GAL3ST4: variants seen among roughly 807,000 people sequenced by gnomAD.
GAL3ST4 encodes the protein beta-galactose-3-O-sulfotransferase 4.
In GAL3ST4, 30 loss-of-function variants were observed where a neutral mutation model predicts 31.6. The observed-to-expected ratio is 0.95, with a 90% CI of 0.71 to 1.29. GAL3ST4 has a LOEUF of 1.29. GAL3ST4 is among the 50% of genes most tolerant of loss of function. The probability of loss-of-function intolerance (pLI) is 0.00; values close to 1 mark genes in which losing one functional copy is unlikely to be tolerated. For synonymous variants in GAL3ST4, 248 were observed against 256.9 expected (o/e 0.97, Z 0.33); for missense variants, 629 against 625.2 (o/e 1.01, Z -0.06).
intron 2 of GAL3ST4, 69 bp downstream of exon 2, chr7:100,166,902 G>A: frequency 6.4e-7 from 1 of 1,563,038 alleles, no homozygotes; most frequent in Non-Finnish European, 8.7e-7. Flanking sequence ...GGAGTCACCA[G>A]CCCCAGGTGG....
In GAL3ST4 at chr7:100,160,028, A is replaced by G. The variant is rs1464112480; in HGVS notation, c.1361T>C (p.Leu454Pro). 3.1e-6 allele frequency: 5 copies of G among 1,613,918 alleles called. No homozygotes were observed. The highest frequency in any genetic ancestry group is 4.2e-6 in the Non-Finnish European group (5 of 1,180,008). ...CTTGTACTGGAGCTCAGGGGTAGCT[A>G]GGCGCTCACATTCCTCTTGGTCTTG... Reference protein sequence around the residue: ...SPQDQEECERLATPELQYKDK... With the variant: ...SPQDQEECERPATPELQYKDK... The change falls in exon 4 of 4, where the codon CTA (leucine) becomes CCA (proline). Residue 454 changes from leucine (L) to proline (P), a missense_variant. Transcript: ENST00000360039.
intron 3 of GAL3ST4, among the ~76,000 whole-genome samples, chr7:100,165,825 A>ACACACACACG (rs1799063592): frequency 6.7e-6 from 1 of 149,716 alleles, no homozygotes; most frequent in East Asian, 2.0e-4. Flanking sequence ...TGTCTCACAC[A>ACACACACACG]CACACACACA....
At position 100,167,006 on chromosome 7, in the gene GAL3ST4, A is replaced by G; in HGVS notation, c.90T>C (p.Phe30=). The change falls in exon 2 of 4, where the codon TTT becomes TTC. Residue 30 remains phenylalanine (F), a synonymous_variant. Transcript: ENST00000360039. The stretch of plus-strand genomic sequence containing the variant: ...AGGGCCCTCCCAAGAGCTGGAGTGC[A>G]AAGCCAATGGTCATGAAGACTCCCA... The part of the protein sequence containing the change: ...VALGVFMTIG[F]ALQLLGGPFQ... 6.3e-7 allele frequency: 1 copy of G among 1,582,938 alleles called. No homozygotes were observed. Among genetic ancestry groups the G allele is most frequent in the Non-Finnish European group, 8.6e-7 (1 of 1,164,958 alleles).
In GAL3ST4 at chr7:100,159,816, A is replaced by G; in HGVS notation, c.*112T>C. 1.1e-6 allele frequency: 1 copy of G among 910,266 alleles called. No individual in the cohort carries two copies. Among genetic ancestry groups the G allele is most frequent in the Non-Finnish European group, 1.7e-6 (1 of 593,998 alleles). The allele number at this position is 910,266 out of a possible 1,614,324, so 56.4% of individuals were successfully genotyped here. ...CAGCGAAGAGGGGGCTTGCATCGGGACAAAGACTCATCCCTTCTGGGAGAT... is the reference window on the plus strand; with the variant it reads ...CAGCGAAGAGGGGGCTTGCATCGGGGCAAAGACTCATCCCTTCTGGGAGAT... On this transcript the variant is annotated 3_prime_UTR_variant, in exon 4 of 4. Transcript: ENST00000360039.
Position 100,160,181 on chromosome 7 carries a change from A to C in GAL3ST4, c.1208T>G (p.Leu403Arg). The part of the protein sequence containing the change: ...VAELRARREA[L>R]AKHCLVGGEA... Reference sequence around the variant, plus strand: ...ACCCCCTACCAGACAATGTTTCGCTAGGGCCTCTCGGCGAGCCCGGAGCTC... The same window carrying C: ...ACCCCCTACCAGACAATGTTTCGCTCGGGCCTCTCGGCGAGCCCGGAGCTC... The change falls in exon 4 of 4, where the codon CTA (leucine) becomes CGA (arginine). Residue 403 changes from leucine to arginine, a missense_variant. Leu to Arg is a moderately radical substitution (Grantham distance 102). Coordinates refer to ENST00000360039, the MANE Select transcript of GAL3ST4 (RefSeq NM_024637.5). The C allele has an allele frequency of 6.2e-7, 1 of 1,614,136 alleles. No individual in the cohort carries two copies. The highest frequency in any genetic ancestry group is 8.5e-7 in the Non-Finnish European group (1 of 1,180,000).
At chr7:100,162,772 C>T (rs1184950416) in intron 3 of GAL3ST4, among the ~76,000 whole-genome samples, 1 of 147,002 alleles carries the variant, frequency 6.8e-6, no homozygotes, top group Non-Finnish European at 1.5e-5. Flanking sequence ...CACCGTGGCA[C>T]ATGTATACCT....
chr7:100,159,867 C>G lies in GAL3ST4; in HGVS notation c.*61G>C, dbSNP rs1264026421. On this transcript the variant is annotated 3_prime_UTR_variant, in exon 4 of 4. Transcript: ENST00000360039. The stretch of plus-strand genomic sequence containing the variant: ...GCAGAAATGGCATCTTGCTGCCCCC[C>G]ACTCATCACATGTGCCCTTCAAACA... 2.9e-6 allele frequency: 4 copies of G among 1,362,878 alleles called. No homozygotes were observed. Among genetic ancestry groups the G allele is most frequent in the African/African-American group, 1.4e-5 (1 of 69,124 alleles). 84.4% of individuals were successfully genotyped at this position (1,362,878 alleles called of 1,614,324 possible).
chr7:100,167,067 A>G lies in GAL3ST4; in HGVS notation c.29T>C (p.Leu10Pro), dbSNP rs750627758. 6.4e-7 allele frequency: 1 copy of G among 1,556,962 alleles called. No homozygotes were observed. Among genetic ancestry groups the G allele is most frequent in the Admixed American group, 2.0e-5 (1 of 51,130 alleles). The change falls in exon 2 of 4, where the codon CTG (leucine) becomes CCG (proline). Residue 10 changes from leucine (L) to proline (P), a missense_variant. Coordinates refer to ENST00000360039, the MANE Select transcript of GAL3ST4 (RefSeq NM_024637.5). MGPLSPART[L>P]RLWGPRSLGV... ...CAGGCTCCGAGGTCCCCAGAGCCGC[A>G]GCGTCCTGGCAGGAGAGAGAGGGCC...
At position 100,160,314 on chromosome 7, in the gene GAL3ST4, C is replaced by T; in HGVS notation, c.1075G>A (p.Ala359Thr). 1 of 1,613,750 alleles carries T rather than the reference C, an allele frequency of 6.2e-7. No individual in the cohort carries two copies. Among genetic ancestry groups the T allele is most frequent in the Non-Finnish European group, 8.5e-7 (1 of 1,179,860 alleles). ...TAEDRQLTAR[A>T]RAWNNLDWAL... is the part of the protein sequence containing the mutation. Reference sequence around the variant, plus strand: ...CAGTCCAGGTTGTTCCAGGCTCGGGCCCGTGCAGTCAGCTGCCGGTCCTCC... The same window carrying T: ...CAGTCCAGGTTGTTCCAGGCTCGGGTCCGTGCAGTCAGCTGCCGGTCCTCC... The change falls in exon 4 of 4, where the codon GCC becomes ACC. Residue 359 changes from alanine to threonine, a missense_variant. By Grantham distance (58) the Ala-to-Thr change is moderately conservative. Coordinates refer to ENST00000360039, the MANE Select transcript of GAL3ST4 (RefSeq NM_024637.5).
In GAL3ST4 at chr7:100,160,092, T is replaced by C; in HGVS notation, c.1297A>G (p.Lys433Glu). 8 of 1,614,094 alleles carry C rather than the reference T, an allele frequency of 5.0e-6. No homozygotes were observed. The highest frequency in any genetic ancestry group is 6.8e-6 in the Non-Finnish European group (8 of 1,180,008). ...CTCCGAAGTATATAGCCCAAAACCT[T>C]AGCTGACCCAAACTGGAAGGGGCGG... Reference protein sequence around the residue: ...RFRPFQFGSAKVLGYILRSGL... With the variant: ...RFRPFQFGSAEVLGYILRSGL... Residue 433 changes from lysine (K) to glutamate (E), a missense_variant, in exon 4 of 4, where the codon AAG becomes GAG. Physicochemically the swap from Lys to Glu is moderately conservative, Grantham distance 56. Coordinates refer to ENST00000360039, the MANE Select transcript of GAL3ST4 (RefSeq NM_024637.5).
At chr7:100,167,344 T>C in intron 1 of GAL3ST4, 61 bp from the exon 2 acceptor site, 1 of 864,214 alleles carries the variant, frequency 1.2e-6, no homozygotes, top group African/African-American at 1.7e-5. Context: ...GGCAGCCTTC[T>C]CTCCTGCTGC....
Position 100,167,166 on chromosome 7 carries a change from G to A in GAL3ST4, c.-71C>T. ...AGGAAGAGGGGCAGAGACAGCTGGA[G>A]ACAGCCGTGCAGCTGCGGAAGGCAC... On this transcript the variant is annotated 5_prime_UTR_variant, in exon 2 of 4. Transcript: ENST00000360039. The A allele has an allele frequency of 6.4e-7, 1 of 1,551,076 alleles. No homozygotes were observed. Among genetic ancestry groups the A allele is most frequent in the South Asian group, 1.2e-5 (1 of 83,998 alleles).
chr7:100,163,441 G>A, intron 3 of GAL3ST4, among the ~76,000 whole-genome samples: 1 of 150,108 alleles, frequency 6.7e-6, no homozygotes, highest in South Asian at 2.1e-4. Flanking sequence ...GGCTCTGCAA[G>A]TATGGCACAC....
intron 3 of GAL3ST4, among the ~76,000 whole-genome samples, chr7:100,164,351 A>T (rs575745173): frequency 6.6e-6 from 1 of 151,860 alleles, no homozygotes; most frequent in South Asian, 2.1e-4. Context: ...CACAAGCCAC[A>T]TCCACCTTTT....
chr7:100,160,864 G>A lies in GAL3ST4; in HGVS notation c.525C>T (p.Thr175=). Residue 175 remains threonine (T), a synonymous_variant, in exon 4 of 4, where the codon ACC becomes ACT. Coordinates refer to ENST00000360039, the MANE Select transcript of GAL3ST4 (RefSeq NM_024637.5). The part of the protein sequence containing the change: ...ARSAFSYYKS[T]SSAFRKSPSL... The stretch of plus-strand genomic sequence containing the variant: ...ATGGTGACTTGCGGAAGGCTGATGA[G>A]GTGGATTTATAGTAGGAGAAGGCAG... The A allele has an allele frequency of 6.2e-7, 1 of 1,614,176 alleles. No individual in the cohort carries two copies. Among genetic ancestry groups the A allele is most frequent in the South Asian group, 1.1e-5 (1 of 91,080 alleles).
Position 100,160,046 on chromosome 7 carries a change from TG to T in GAL3ST4, c.1342del (p.Gln448LysfsTer7). On this transcript the variant is annotated frameshift_variant, in exon 4 of 4. Transcript: ENST00000360039. LOFTEE classifies it high-confidence loss of function. ...GGTAGCTAGGCGCTCACATTCCTCT[TG>T]GTCTTGGGGGCTCAATCCACTCCGA... is the stretch of plus-strand genomic sequence containing the variant. ...ILRSGLSPQDQEECERLATPE... is the reference protein window; with the variant it reads ...ILRSGLSPQDXEECERLATPE... The T allele has an allele frequency of 6.2e-7, 1 of 1,614,078 alleles. No individual in the cohort carries two copies. Among genetic ancestry groups the T allele is most frequent in the Non-Finnish European group, 8.5e-7 (1 of 1,179,994 alleles).
chr7:100,161,652 CAAAA>C (rs1163638873), intron 3 of GAL3ST4, among the ~76,000 whole-genome samples: 1 of 61,528 alleles, frequency 1.6e-5, no homozygotes. Flanking sequence ...GACTCTGTCT[CAAAA>C]AAAAAAAAAA....
At chr7:100,164,930 A>C (rs1207584405) in intron 3 of GAL3ST4, among the ~76,000 whole-genome samples, 3 of 146,656 alleles carry the variant, frequency 2.0e-5, no homozygotes, top group Admixed American at 1.4e-4. Flanking sequence ...GCTGGAGTGC[A>C]GTGGCACGAT....
chr7:100,167,264 A>G lies in GAL3ST4; in HGVS notation c.-169T>C. On this transcript the variant is annotated 5_prime_UTR_variant, in exon 2 of 4. Transcript: ENST00000360039. Reference sequence around the variant, plus strand: ...TTGAGTCTGCCCCCTGAGTTAGCAGATTTTTGCCTCTGTCAGCGTCTAGAA... The same window carrying G: ...TTGAGTCTGCCCCCTGAGTTAGCAGGTTTTTGCCTCTGTCAGCGTCTAGAA... The G allele has an allele frequency of 2.7e-6, 4 of 1,460,478 alleles. No homozygotes were observed. The highest frequency in any genetic ancestry group is 2.7e-6 in the Non-Finnish European group (3 of 1,103,906). The allele number at this position is 1,460,478 out of a possible 1,614,324, so 90.5% of individuals were successfully genotyped here.
Sources: gnomAD v4.1 joint callset for allele counts (sites outside exome capture counted in the v4.1 genomes callset) on GRCh38, gnomAD v4.1.1 for gene constraint, MANE v1.5 for transcripts, NCBI Gene and HGNC (gene_info 2026-07-23, HGNC 2026-07-21) for gene names.